DMXL1: variants seen among roughly 807,000 people sequenced by gnomAD.
DMXL1 encodes the protein dmX-like protein 1.
In DMXL1, 99 loss-of-function variants were observed where a neutral mutation model predicts 319.2. The ratio of observed to expected loss-of-function variants is 0.31; its 90% confidence interval spans 0.26 to 0.37. The LOEUF (loss-of-function observed/expected upper bound fraction) is 0.37, where lower values mean the gene tolerates loss of function less well. Among genes scored for constraint, DMXL1 ranks in the 10% least tolerant of loss-of-function variants. The pLI is 1.00. For synonymous variants in DMXL1, 1,385 were observed against 1,235.2 expected, an observed-to-expected ratio of 1.12 and a Z score of -2.54; for missense variants, 3,745 against 3,595.6, an observed-to-expected ratio of 1.04 and a Z score of -1.06.
In DMXL1 at chr5:119,114,286, G is replaced by A. The variant is rs74867486; in HGVS notation, c.498-189G>A. On this transcript the variant is annotated intron_variant, in intron 5 of 43. Transcript: ENST00000539542. ...CAAGCCATTCCTTCCATGAGTCTAT[G>A]GGTGTATGTTTTTATATTTAAAATT... 0.027 allele frequency among the ~76,000 whole-genome samples: 4,096 copies of A among 152,210 alleles called. 171 individuals carry two copies. Among genetic ancestry groups the A allele is most frequent in the African/African-American group, 0.093 (3,877 of 41,536 alleles).
intron 10 of DMXL1, among the ~76,000 whole-genome samples, chr5:119,131,573 G>T (rs1764910282): frequency 1.3e-5 from 2 of 152,168 alleles, no homozygotes; most frequent in South Asian, 4.1e-4. Flanking sequence ...CCCAATTTTA[G>T]TTCCAATTCC....
intron 33 of DMXL1, among the ~76,000 whole-genome samples, chr5:119,205,953 G>A (rs1230877281): frequency 1.3e-5 from 2 of 152,178 alleles, no homozygotes; most frequent in East Asian, 1.9e-4. Context: ...TGGATGGCAG[G>A]TGATGGGAGA....
At position 119,071,228 on chromosome 5, in the gene DMXL1, A is replaced by C. The variant is rs2149634708; in HGVS notation, c.-342A>C. 1.7e-5 allele frequency: 5 copies of C among 302,694 alleles called. No individual in the cohort carries two copies. Among genetic ancestry groups the C allele is most frequent in the Middle Eastern group, 1.1e-3 (1 of 874 alleles). The allele number at this position is 302,694 out of a possible 1,614,324, so 18.8% of individuals were successfully genotyped here. On this transcript the variant is annotated 5_prime_UTR_variant, in exon 1 of 44. Transcript: ENST00000539542. ...GAGCGGCTGCCCGAGGTCCAGAGGA[A>C]GTGTGTGGACAGCGCGGCCTTCCTG...
chr5:119,202,885 TTA>T (rs372719854), intron 32 of DMXL1, among the ~76,000 whole-genome samples: 4,826 of 130,732 alleles, frequency 0.037, 171 homozygotes, highest in Middle Eastern at 0.081. Flanking sequence ...ATATATATTT[TTA>T]TATATATATA....
At chr5:119,181,748 G>C (rs1776810488) in intron 28 of DMXL1, among the ~76,000 whole-genome samples, 1 of 152,092 alleles carries the variant, frequency 6.6e-6, no homozygotes, top group African/African-American at 2.4e-5. Context: ...GGAGGTGGAG[G>C]TTGCAGTGAG....
intron 23 of DMXL1, 30 bp from the exon 24 acceptor site, chr5:119,170,160 T>C: frequency 1.3e-6 from 2 of 1,562,508 alleles, no homozygotes; most frequent in Non-Finnish European, 1.7e-6. Context: ...TCATAACTTT[T>C]CTTGGCTCAT....
At chr5:119,243,900 A>G (rs1175075595) in intron 42 of DMXL1, among the ~76,000 whole-genome samples, 2 of 152,184 alleles carry the variant, frequency 1.3e-5, no homozygotes, top group African/African-American at 2.4e-5. Flanking sequence ...TTAAGTGCCT[A>G]TTATTTTTGT....
intron 33 of DMXL1, 174 bp from the exon 34 acceptor site, chr5:119,206,660 G>A (rs547389210): frequency 1.1e-5 from 5 of 436,308 alleles, no homozygotes; most frequent in African/African-American, 4.1e-5. Flanking sequence ...TCCTAACCAT[G>A]CACCCTCACA....
chr5:119,101,337 A>C (rs2149797607), intron 2 of DMXL1, among the ~76,000 whole-genome samples: 1 of 152,274 alleles, frequency 6.6e-6, no homozygotes, highest in Admixed American at 6.5e-5. Context: ...CATTCATTTA[A>C]TCTCTCTCTC....
Position 119,170,823 on chromosome 5 carries a change from T to C in DMXL1, c.6032T>C (p.Leu2011Pro), listed in dbSNP as rs1389846471. 6.2e-7 allele frequency: 1 copy of C among 1,611,416 alleles called. No homozygotes were observed. Among genetic ancestry groups the C allele is most frequent in the Admixed American group, 1.7e-5 (1 of 59,570 alleles). ...AACTACACAGAATCTTTCAGCACAC[T>C]AGATGAAAATGACCTTTTAAATCCA... ...SSNYTESFST[L>P]DENDLLNPSE... Residue 2011 changes from leucine (L) to proline (P), a missense_variant, in exon 24 of 44, where the codon CTA becomes CCA. By Grantham distance (98) the Leu-to-Pro change is moderately conservative (BLOSUM62 -3). Coordinates refer to ENST00000539542, the MANE Select transcript of DMXL1 (RefSeq NM_001290321.3).
At chr5:119,173,690 GTGTGTGTGTA>G (rs1444156991) in intron 25 of DMXL1, among the ~76,000 whole-genome samples, 2 of 113,664 alleles carry the variant, frequency 1.8e-5, no homozygotes, top group South Asian at 3.4e-4. Flanking sequence ...GTGTGTGTGT[GTGTGTGTGTA>G]TATATATATG....
rs1340249099 is a variant in DMXL1, at chr5:119,248,456, A to C, written c.*1237A>C. ...CTTTTCTGATTCAGAATTATAGAAA[A>C]CTTGATAAATACTTGATTTTAACCA... On this transcript the variant is annotated 3_prime_UTR_variant, in exon 44 of 44. Coordinates refer to ENST00000539542, the MANE Select transcript of DMXL1 (RefSeq NM_001290321.3). 1 of 152,512 alleles carries C rather than the reference A, an allele frequency of 6.6e-6. No individual in the cohort carries two copies. 9.4% of individuals were successfully genotyped at this position (152,512 alleles called of 1,614,324 possible). A position where few individuals can be genotyped will look rare whatever the true frequency, so the allele number is the denominator to read the frequency against.
At chr5:119,151,483 GT>G (rs1769783325) in intron 18 of DMXL1, among the ~76,000 whole-genome samples, 2 of 152,114 alleles carry the variant, frequency 1.3e-5, no homozygotes, top group African/African-American at 4.8e-5. Flanking sequence ...TGTTATAGGT[GT>G]TTTATGTTTT....
rs1774434718 is a variant in DMXL1 at position 119,170,996 on chromosome 5, G to T, written c.6205G>T (p.Ala2069Ser). 4.3e-6 allele frequency: 7 copies of T among 1,613,868 alleles called. No homozygotes were observed. Among genetic ancestry groups the T allele is most frequent in the Non-Finnish European group, 5.9e-6 (7 of 1,179,868 alleles). The change falls in exon 24 of 44, where the codon GCT (alanine) becomes TCT (serine). Residue 2069 changes from alanine (A) to serine (S), a missense_variant. Physicochemically the swap from Ala to Ser is moderately conservative, Grantham distance 99. Transcript: ENST00000539542. The stretch of plus-strand genomic sequence containing the variant: ...CCACTGGCTTGAAAAAGAGGTGATA[G>T]CTCTTCAGAGGACTTGTGACTTTTG... Reference protein sequence around the residue: ...LYHWLEKEVIALQRTCDFCSD... With the variant: ...LYHWLEKEVISLQRTCDFCSD...
At chr5:119,117,922 T>A (rs74643083) in intron 7 of DMXL1, among the ~76,000 whole-genome samples, 1 of 152,242 alleles carries the variant, frequency 6.6e-6, no homozygotes, top group Non-Finnish European at 1.5e-5. Context: ...ACCTGCTGAT[T>A]GTTCCGTTTT....
intron 1 of DMXL1, among the ~76,000 whole-genome samples, chr5:119,082,001 A>G (rs1377196217): frequency 3.1e-5 from 2 of 65,164 alleles, no homozygotes; most frequent in African/African-American, 8.2e-5. Flanking sequence ...TTAAGGTTAT[A>G]TATATATATA....
intron 1 of DMXL1, among the ~76,000 whole-genome samples, chr5:119,092,724 A>G (rs759168249): frequency 3.3e-5 from 5 of 152,182 alleles, no homozygotes; most frequent in Non-Finnish European, 7.3e-5. Context: ...ATTTGCACCA[A>G]CTGCCTTACT....
intron 32 of DMXL1, among the ~76,000 whole-genome samples, chr5:119,202,864 CATATATATATATATATATTTTTATAT>C (rs1317603714): frequency 6.7e-5 from 5 of 74,310 alleles, no homozygotes; most frequent in South Asian, 5.2e-4. Context: ...AATATACATA[CATATATATATATATATATTTTTATAT>C]ATATATATAT....
At chr5:119,215,832 C>A (rs1033999253) in intron 34 of DMXL1, among the ~76,000 whole-genome samples, 1 of 152,008 alleles carries the variant, frequency 6.6e-6, no homozygotes, top group Non-Finnish European at 1.5e-5. Flanking sequence ...TGTGGTGGCT[C>A]ACGCCCATAA....
Sources: allele counts gnomAD v4.1 joint callset (sites outside exome capture counted in the v4.1 genomes callset), GRCh38; gene constraint gnomAD v4.1.1; transcripts MANE v1.5; gene names NCBI Gene and HGNC (gene_info 2026-07-23, HGNC 2026-07-21).